Variants in DOCK2 observed in about 807,000 individuals in gnomAD.
The protein encoded by DOCK2 is dedicator of cytokinesis protein 2.
A neutral mutation model predicts 248.9 loss-of-function variants in DOCK2; 87 were observed. That is an observed-to-expected ratio of 0.35 (90% CI 0.29 to 0.42). DOCK2 has a LOEUF of 0.42. Among genes scored for constraint, DOCK2 ranks in the 10% least tolerant of loss-of-function variants. The pLI, the probability that DOCK2 is intolerant of heterozygous loss-of-function variation, is 1.00. For synonymous variants in DOCK2, 805 were observed against 821.6 expected (o/e 0.98, Z 0.35); for missense variants, 1,747 against 2,300.2 (o/e 0.76, Z 4.92).
intron 29 of DOCK2, among the ~76,000 whole-genome samples, chr5:169,986,741 T>C (rs1347836081): frequency 6.6e-6 from 1 of 152,228 alleles, no homozygotes; most frequent in Non-Finnish European, 1.5e-5. Flanking sequence ...GGTTCTTCTC[T>C]TTTCTTTCTC....
chr5:169,771,233 C>A (rs1765069442), intron 25 of DOCK2, among the ~76,000 whole-genome samples: 1 of 152,158 alleles, frequency 6.6e-6, no homozygotes, highest in Admixed American at 6.6e-5. Context: ...GTTTTCTTTG[C>A]CACTCGTGTT....
chr5:169,793,208 T>C (rs900873058), intron 25 of DOCK2, among the ~76,000 whole-genome samples: 5 of 152,332 alleles, frequency 3.3e-5, no homozygotes, highest in African/African-American at 1.2e-4. Context: ...AAAATGCATA[T>C]GCTTACACAG....
intron 25 of DOCK2, among the ~76,000 whole-genome samples, chr5:169,790,929 T>A (rs1158417196): frequency 6.6e-6 from 1 of 152,142 alleles, no homozygotes; most frequent in Non-Finnish European, 1.5e-5. Context: ...TATGATTAGG[T>A]AAAACGGCTC....
intron 48 of DOCK2, among the ~76,000 whole-genome samples, chr5:170,078,089 C>G (rs1757899985): frequency 6.6e-6 from 1 of 152,184 alleles, no homozygotes; most frequent in Admixed American, 6.5e-5. Flanking sequence ...CCTGCAGCCC[C>G]CAGACTTCTA....
In DOCK2 at chr5:169,946,933, G is replaced by A. The variant is rs983252933; in HGVS notation, c.2800-36135G>A. 2.6e-5 allele frequency among the ~76,000 whole-genome samples: 4 copies of A among 152,322 alleles called. No individual in the cohort carries two copies. In the East Asian group the frequency reaches 7.7e-4, roughly 29 times the overall value. Reference sequence around the variant, plus strand: ...AGGCAGAGGGAAGAGCGTGGGCAAGGCCCTGAGTCAGGATGGAGTTTTGCC... The same window carrying A: ...AGGCAGAGGGAAGAGCGTGGGCAAGACCCTGAGTCAGGATGGAGTTTTGCC... On this transcript the variant is annotated intron_variant, in intron 27 of 51. Transcript: ENST00000520908.
At chr5:169,671,715 A>G (rs1759058250) in intron 5 of DOCK2, among the ~76,000 whole-genome samples, 10 of 152,250 alleles carry the variant, frequency 6.6e-5, no homozygotes, top group Admixed American at 6.5e-4. Context: ...TAATGAAAGC[A>G]ATTAGCTAAG....
chr5:169,858,507 CA>C (rs1771012242), intron 27 of DOCK2, among the ~76,000 whole-genome samples: 1 of 152,104 alleles, frequency 6.6e-6, no homozygotes, highest in South Asian at 2.1e-4. Context: ...GACTGGAAGA[CA>C]AACACCGGAA....
At chr5:170,043,658 A>G (rs1756595215) in intron 38 of DOCK2, among the ~76,000 whole-genome samples, 1 of 152,232 alleles carries the variant, frequency 6.6e-6, no homozygotes, top group Non-Finnish European at 1.5e-5. Flanking sequence ...CACTGTTTTC[A>G]TAATTTACAA....
intron 27 of DOCK2, among the ~76,000 whole-genome samples, chr5:169,893,634 T>A (rs992687892): frequency 1.3e-5 from 2 of 152,170 alleles, no homozygotes; most frequent in African/African-American, 4.8e-5. Flanking sequence ...GTGTGTCAGA[T>A]GGAAGGGAGA....
intron 23 of DOCK2, among the ~76,000 whole-genome samples, chr5:169,757,040 G>A (rs1764234624): frequency 2.0e-5 from 3 of 152,066 alleles, no homozygotes; most frequent in Non-Finnish European, 4.4e-5. Context: ...TGGGAGAAAT[G>A]CAGCCTGCAT....
At chr5:170,059,713 C>A (rs763078987) in intron 44 of DOCK2, among the ~76,000 whole-genome samples, 16 of 152,236 alleles carry the variant, frequency 1.1e-4, no homozygotes, top group Admixed American at 2.0e-4. Context: ...TGGCCCACAA[C>A]TGATGCTAAC....
chr5:169,713,036 G>A (rs1486853701), intron 17 of DOCK2, among the ~76,000 whole-genome samples: 1 of 152,238 alleles, frequency 6.6e-6, no homozygotes, highest in Non-Finnish European at 1.5e-5. Context: ...TTTTGCCTGT[G>A]GGATGCATGG....
chr5:169,680,559 G>T (rs1759602278), intron 6 of DOCK2, among the ~76,000 whole-genome samples: 1 of 152,004 alleles, frequency 6.6e-6, no homozygotes, highest in African/African-American at 2.4e-5. Context: ...TTAAAAAGAG[G>T]CTAGGTACGG....
rs150693648 is a variant in DOCK2, at chr5:169,966,316, A to T, written c.2800-16752A>T. ...GGGGGGCGGGGGTTGAGGAAATGGCATGACTCAGAGTTTAAAAGCCCCAAA... is the reference window on the plus strand; with the variant it reads ...GGGGGGCGGGGGTTGAGGAAATGGCTTGACTCAGAGTTTAAAAGCCCCAAA... On this transcript the variant is annotated intron_variant, in intron 27 of 51. Coordinates refer to ENST00000520908, the MANE Select transcript of DOCK2 (RefSeq NM_004946.3). Among the ~76,000 whole-genome samples the T allele has an allele frequency of 4.0e-3, 602 of 152,286 alleles. 5 individuals carry two copies. Among genetic ancestry groups the T allele is most frequent in the African/African-American group, 0.014 (589 of 41,562 alleles).
chr5:170,062,395 G>A (rs1471303806), intron 44 of DOCK2, among the ~76,000 whole-genome samples: 2 of 152,134 alleles, frequency 1.3e-5, no homozygotes, highest in East Asian at 3.9e-4. Context: ...ACTCAGAGAT[G>A]AAGTGAGGGA....
chr5:169,723,986 A>G (rs915560163), intron 22 of DOCK2, among the ~76,000 whole-genome samples: 2 of 152,218 alleles, frequency 1.3e-5, no homozygotes, highest in African/African-American at 4.8e-5. Context: ...TTCACAAAGA[A>G]GGAGACTGAG....
chr5:169,661,697 A>G (rs1042493408), intron 2 of DOCK2, among the ~76,000 whole-genome samples: 21 of 152,076 alleles, frequency 1.4e-4, no homozygotes, highest in African/African-American at 2.9e-4. Flanking sequence ...TGTTCCATAT[A>G]TAAGTGAAAT....
intron 27 of DOCK2, among the ~76,000 whole-genome samples, chr5:169,885,468 C>T (rs966380461): frequency 2.0e-5 from 3 of 152,194 alleles, no homozygotes; most frequent in African/African-American, 7.2e-5. Context: ...CCTGTGAACT[C>T]GTTCTGCTAT....
At chr5:169,797,295 A>AT (rs1296248312) in intron 25 of DOCK2, among the ~76,000 whole-genome samples, 4 of 152,204 alleles carry the variant, frequency 2.6e-5, no homozygotes, top group Non-Finnish European at 5.9e-5. Context: ...TGCAGATGTG[A>AT]TTTTGGCTGG....
Sources: gnomAD v4.1 joint callset for allele counts (sites outside exome capture counted in the v4.1 genomes callset) on GRCh38, gnomAD v4.1.1 for gene constraint, MANE v1.5 for transcripts, NCBI Gene and HGNC (gene_info 2026-07-23, HGNC 2026-07-21) for gene names.